EPB41L2: variants seen among roughly 807,000 people sequenced by gnomAD.
The protein encoded by EPB41L2 is erythrocyte membrane protein band 4.1 like 2, also known as band 4.1-like protein 2.
EPB41L2 carries 43 observed loss-of-function variants against 113.0 expected under a neutral mutation model. The ratio of observed to expected loss-of-function variants is 0.38; its 90% confidence interval spans 0.30 to 0.49. The LOEUF (loss-of-function observed/expected upper bound fraction) is 0.49, where lower values mean the gene tolerates loss of function less well. Ranked by LOEUF, EPB41L2 falls within the 20% of genes least tolerant of loss-of-function variation. The pLI is 0.95. For synonymous variants in EPB41L2, 442 were observed against 436.7 expected (o/e 1.01, Z -0.15); for missense variants, 1,147 against 1,223.4 (o/e 0.94, Z 0.93).
intron 8 of EPB41L2, 130 bp from the exon 9 acceptor site, chr6:130,895,249 A>G (rs186005168): frequency 1.8e-5 from 18 of 1,018,754 alleles, no homozygotes; most frequent in Non-Finnish European, 2.4e-5. Context: ...GTTTAGTGAC[A>G]AGTACGCACG....
intron 10 of EPB41L2, among the ~76,000 whole-genome samples, chr6:130,892,427 T>C (rs937145454): frequency 2.7e-5 from 4 of 150,460 alleles, no homozygotes; most frequent in African/African-American, 9.8e-5. Flanking sequence ...TTTTTTATCA[T>C]TATGTGACAG....
chr6:131,011,178 C>T (rs1376189088), intron 1 of EPB41L2, among the ~76,000 whole-genome samples: 2 of 152,166 alleles, frequency 1.3e-5, no homozygotes, highest in Non-Finnish European at 2.9e-5. Context: ...TAATCACAAT[C>T]CATTCTGAGA....
chr6:130,981,924 AT>A (rs1209069925), intron 1 of EPB41L2, among the ~76,000 whole-genome samples: 1 of 152,130 alleles, frequency 6.6e-6, no homozygotes, highest in Non-Finnish European at 1.5e-5. Flanking sequence ...TAAAATTACT[AT>A]TTATCACCAT....
rs759278279 is a variant in EPB41L2 at position 130,956,516 on chromosome 6, A to C, written c.-14-17T>G. Reference sequence around the variant, plus strand: ...CAGCTTATGCTGTAATCAAAACAAAAATCATAAAATGTCATTTTGTAAGTT... The same window carrying C: ...CAGCTTATGCTGTAATCAAAACAAACATCATAAAATGTCATTTTGTAAGTT... On this transcript the variant is annotated splice_polypyrimidine_tract_variant and intron_variant, in intron 1 of 19. Coordinates refer to ENST00000337057, the MANE Select transcript of EPB41L2 (RefSeq NM_001431.4). 3 of 1,564,266 alleles carry C rather than the reference A, an allele frequency of 1.9e-6. No homozygotes were observed. The African/African-American group carries it at 4.1e-5, about 22-fold the overall frequency.
intron 3 of EPB41L2, among the ~76,000 whole-genome samples, chr6:130,932,413 C>T (rs1463246292): frequency 6.6e-6 from 1 of 151,776 alleles, no homozygotes; most frequent in Admixed American, 6.6e-5. Flanking sequence ...CATAATTTTG[C>T]TTCATAACTT....
intron 1 of EPB41L2, among the ~76,000 whole-genome samples, chr6:130,998,459 C>T (rs2128707735): frequency 6.6e-6 from 1 of 152,026 alleles, no homozygotes. Flanking sequence ...TTAAGAATGC[C>T]TTAGGAAAAA....
intron 17 of EPB41L2, 84 bp downstream of exon 17, chr6:130,865,452 G>C: frequency 7.6e-7 from 1 of 1,323,168 alleles, no homozygotes; most frequent in Non-Finnish European, 1.1e-6. Flanking sequence ...ACTTGGAAGT[G>C]TGTACAGGAA....
chr6:131,020,930 C>T (rs1167476530), intron 1 of EPB41L2, among the ~76,000 whole-genome samples: 1 of 152,200 alleles, frequency 6.6e-6, no homozygotes, highest in Non-Finnish European at 1.5e-5. Context: ...GCTGGAACTA[C>T]AGGCATGTGC....
intron 1 of EPB41L2, among the ~76,000 whole-genome samples, chr6:130,960,086 G>A (rs1818831270): frequency 6.6e-6 from 1 of 152,154 alleles, no homozygotes; most frequent in Non-Finnish European, 1.5e-5. Context: ...TACAAAGTAT[G>A]TATTATCCCT....
chr6:131,046,406 A>G (rs1186214012), intron 1 of EPB41L2, among the ~76,000 whole-genome samples: 1 of 152,198 alleles, frequency 6.6e-6, no homozygotes, highest in Admixed American at 6.5e-5. Context: ...ACTTGAGGCT[A>G]GAACAATTGT....
intron 1 of EPB41L2, chr6:131,000,611 T>C (rs1220727047): frequency 6.6e-6 from 1 of 152,002 alleles, no homozygotes. Context: ...CAAGGAAAAA[T>C]CGACTCACAT....
chr6:130,899,518 C>G lies in EPB41L2; in HGVS notation c.1209G>C (p.Met403Ile), dbSNP rs375573893. ...QFLENAKRLS[M>I]YGVDLHHAKD... The stretch of plus-strand genomic sequence containing the variant: ...TGGCATGATGTAGGTCAACACCATA[C>G]ATGGAAAGCCTCTTTGCATTTTCTA... The change falls in exon 8 of 20, where the codon ATG becomes ATC. Residue 403 changes from methionine (M) to isoleucine (I), a missense_variant. Coordinates refer to ENST00000337057, the MANE Select transcript of EPB41L2 (RefSeq NM_001431.4). 3.3e-5 allele frequency: 53 copies of G among 1,613,970 alleles called. 1 individual carries two copies. In the South Asian group the frequency reaches 5.2e-4, roughly 16 times the overall value.
intron 1 of EPB41L2, among the ~76,000 whole-genome samples, chr6:130,979,938 G>C (rs138361397): frequency 6.6e-6 from 1 of 152,160 alleles, no homozygotes; most frequent in Non-Finnish European, 1.5e-5. Flanking sequence ...CAAGCAGTAG[G>C]ATAAATGCTC....
rs1211145271 is a variant in EPB41L2 at position 130,899,501 on chromosome 6, T to C, written c.1226A>G (p.His409Arg). 5 of 1,613,668 alleles carry C rather than the reference T, an allele frequency of 3.1e-6. No individual in the cohort carries two copies. The highest frequency in any genetic ancestry group is 1.3e-5 in the African/African-American group (1 of 74,926). ...KRLSMYGVDL[H>R]HAKDSEGVDI... ...TTACATTTACAGTACCTTGGCATGA[T>C]GTAGGTCAACACCATACATGGAAAG... The change falls in exon 8 of 20, where the codon CAT becomes CGT. Residue 409 changes from histidine to arginine, a missense_variant. Physicochemically the swap from His to Arg is conservative, Grantham distance 29. Transcript: ENST00000337057.
At chr6:130,985,617 C>A (rs1780368763) in intron 1 of EPB41L2, among the ~76,000 whole-genome samples, 1 of 152,120 alleles carries the variant, frequency 6.6e-6, no homozygotes, top group Non-Finnish European at 1.5e-5. Flanking sequence ...GGAAAAGAAT[C>A]CTGTGTCATT....
At chr6:130,896,087 C>T (rs866996493) in intron 8 of EPB41L2, among the ~76,000 whole-genome samples, 5 of 152,212 alleles carry the variant, frequency 3.3e-5, no homozygotes, top group Middle Eastern at 3.4e-3. Context: ...GCAACAAACC[C>T]CATATTTAGT....
chr6:130,928,175 T>C (rs1181089556), intron 3 of EPB41L2, among the ~76,000 whole-genome samples: 2 of 152,350 alleles, frequency 1.3e-5, no homozygotes, highest in Admixed American at 6.5e-5. Context: ...GAGGATTTAA[T>C]AGTCAATTAA....
At chr6:130,846,037 G>A (rs550313113) in intron 19 of EPB41L2, among the ~76,000 whole-genome samples, 2 of 152,278 alleles carry the variant, frequency 1.3e-5, no homozygotes, top group South Asian at 2.1e-4. Context: ...TGAGCCTGTC[G>A]CCTCAAGAGA....
chr6:131,049,073 G>A (rs931949421), intron 1 of EPB41L2, among the ~76,000 whole-genome samples: 3 of 152,194 alleles, frequency 2.0e-5, no homozygotes. Context: ...ATTGGTAGGA[G>A]CCACATCTGC....
Sources: allele counts gnomAD v4.1 joint callset (sites outside exome capture counted in the v4.1 genomes callset), GRCh38; gene constraint gnomAD v4.1.1; transcripts MANE v1.5; gene names NCBI Gene and HGNC (gene_info 2026-07-23, HGNC 2026-07-21).